Variants in GC observed in about 807,000 individuals in gnomAD.
GC encodes the protein GC vitamin D binding protein, also known as vitamin D-binding protein.
A neutral mutation model predicts 56.7 loss-of-function variants in GC; 43 were observed. The observed-to-expected ratio is 0.76, with a 90% confidence interval of 0.59 to 0.98. The LOEUF (loss-of-function observed/expected upper bound fraction) is 0.98. GC is among the 50% of genes least tolerant of loss of function. The probability of loss-of-function intolerance (pLI) is 0.00; values close to 1 mark genes in which losing one functional copy is unlikely to be tolerated. For missense variants in GC, 529 were observed against 545.9 expected, an observed-to-expected ratio of 0.97 and a Z score of 0.31; for synonymous variants, 216 against 202.7, an observed-to-expected ratio of 1.07 and a Z score of -0.56.
At chr4:71,768,106 C>T (rs1488710782) in intron 3 of GC, among the ~76,000 whole-genome samples, 195 bp downstream of exon 3, 1 of 152,050 alleles carries the variant, frequency 6.6e-6, no homozygotes, top group African/African-American at 2.4e-5. Flanking sequence ...CTCATTTGAA[C>T]CTTGTAGGAA....
chr4:71,780,781 T>C (rs561719888), intron 1 of GC, among the ~76,000 whole-genome samples: 135 of 152,292 alleles, frequency 8.9e-4, no homozygotes, highest in Admixed American at 1.8e-3. Flanking sequence ...TTCTACACTG[T>C]TGGTGGGACT....
Position 71,752,582 on chromosome 4 carries a change from T to C in GC, c.1331A>G (p.Lys444Arg), listed in dbSNP as rs1293167992. 7 of 1,613,208 alleles carry C rather than the reference T, an allele frequency of 4.3e-6. No homozygotes were observed. Among genetic ancestry groups the C allele is most frequent in the Non-Finnish European group, 5.1e-6 (6 of 1,179,178 alleles). Residue 444 changes from lysine to arginine, a missense_variant, in exon 11 of 13, where the codon AAG becomes AGG. Coordinates refer to ENST00000273951, the MANE Select transcript of GC (RefSeq NM_000583.4). Reference protein sequence around the residue: ...TPTELAKLVNKHSDFASNCCS... With the variant: ...TPTELAKLVNRHSDFASNCCS... ...GCAGTTGGAGGCAAAGTCTGAGTGCTTGTTAACCAGCTTTGCCAGTTCCGT... is the reference window on the plus strand; with the variant it reads ...GCAGTTGGAGGCAAAGTCTGAGTGCCTGTTAACCAGCTTTGCCAGTTCCGT...
At chr4:71,797,402 A>G (rs1743132100) in intron 1 of GC, among the ~76,000 whole-genome samples, 1 of 152,088 alleles carries the variant, frequency 6.6e-6, no homozygotes, top group African/African-American at 2.4e-5. Context: ...AATGGGGGAC[A>G]CCCCTCCTCC....
chr4:71,794,531 T>A (rs144616029), intron 1 of GC, among the ~76,000 whole-genome samples: 2,434 of 152,268 alleles, frequency 0.016, 31 homozygotes, highest in South Asian at 0.051. Flanking sequence ...ATTGCATCTA[T>A]TTGATTCTTC....
At chr4:71,775,311 C>T (rs1396484118) in intron 1 of GC, among the ~76,000 whole-genome samples, 1 of 151,796 alleles carries the variant, frequency 6.6e-6, no homozygotes, top group Non-Finnish European at 1.5e-5. Context: ...CTGGACATTC[C>T]CATAAAAGTC....
intron 1 of GC, among the ~76,000 whole-genome samples, chr4:71,783,096 T>C (rs1422688510): frequency 6.6e-6 from 1 of 151,862 alleles, no homozygotes; most frequent in African/African-American, 2.4e-5. Flanking sequence ...ACACACATTT[T>C]ATTCCACTGG....
At position 71,746,202 on chromosome 4, in the gene GC, C is replaced by T; in HGVS notation, c.1399G>A (p.Asp467Asn). ...SPPLYCDSEI[D>N]AELKNIL ...TACAGGATATTCTTCAATTCAGCAT[C>T]AATCTGATAATGAAAAAAGAATGTT... Residue 467 changes from aspartate (D) to asparagine (N), a missense_variant, in exon 12 of 13, where the codon GAT becomes AAT. By Grantham distance (23) the Asp-to-Asn change is conservative. Transcript: ENST00000273951. 1.5e-6 allele frequency: 2 copies of T among 1,310,746 alleles called. No individual in the cohort carries two copies. The highest frequency in any genetic ancestry group is 1.1e-6 in the Non-Finnish European group (1 of 909,456). The allele number at this position is 1,310,746 out of a possible 1,614,324, so 81.2% of individuals were successfully genotyped here.
intron 6 of GC, among the ~76,000 whole-genome samples, chr4:71,758,985 T>G (rs1484024335): frequency 6.6e-6 from 1 of 152,212 alleles, no homozygotes; most frequent in Non-Finnish European, 1.5e-5. Context: ...ATTTTCTGTC[T>G]TTATGATTTT....
Position 71,793,527 on chromosome 4 carries a change from A to T in GC, c.22-9473T>A, listed in dbSNP as rs528754448. Among the ~76,000 whole-genome samples the T allele has an allele frequency of 1.1e-3, 170 of 152,276 alleles. 3 individuals are homozygous for T. The South Asian group carries it at 0.014, about 13-fold the overall frequency. The stretch of plus-strand genomic sequence containing the variant: ...TTTTGTATCCTGAGACTTTGCTGAA[A>T]TTGCTTATCAGCTTCAGGAGGTTTT... On this transcript the variant is annotated intron_variant, in intron 1 of 13. Transcript: ENST00000504199.
intron 11 of GC, among the ~76,000 whole-genome samples, chr4:71,751,633 A>G (rs559551657): frequency 5.9e-5 from 9 of 152,118 alleles, no homozygotes; most frequent in Admixed American, 5.2e-4. Context: ...TGTTAACAAT[A>G]TTGGACCTGA....
At chr4:71,764,009 G>T in intron 4 of GC, 73 bp from the exon 5 acceptor site, 1 of 1,158,088 alleles carries the variant, frequency 8.6e-7, no homozygotes, top group Non-Finnish European at 1.3e-6. Context: ...TTGAGACAGT[G>T]TCTTGCCCTG....
At chr4:71,776,761 A>C (rs761174627) in intron 1 of GC, among the ~76,000 whole-genome samples, 2 of 151,970 alleles carry the variant, frequency 1.3e-5, no homozygotes, top group Non-Finnish European at 2.9e-5. Context: ...AAATGTATAT[A>C]ATTATAATTT....
chr4:71,766,221 A>G (rs1742151794), intron 3 of GC, among the ~76,000 whole-genome samples: 1 of 152,220 alleles, frequency 6.6e-6, no homozygotes, highest in Non-Finnish European at 1.5e-5. Flanking sequence ...CATAGAGTGC[A>G]TAAAATAAAA....
upstream of GC, among the ~76,000 whole-genome samples, chr4:71,805,421 C>T (rs1377421369): frequency 6.6e-6 from 1 of 152,122 alleles, no homozygotes; most frequent in African/African-American, 2.4e-5. Flanking sequence ...ATGCTGCAGA[C>T]CCTGGCTGAG....
intron 1 of GC, among the ~76,000 whole-genome samples, chr4:71,773,763 T>C (rs1186633252): frequency 2.0e-5 from 3 of 152,072 alleles, no homozygotes; most frequent in African/African-American, 7.2e-5. Context: ...GTTGCTGTTT[T>C]CCTATTGTGT....
intron 1 of GC, among the ~76,000 whole-genome samples, chr4:71,795,059 G>A (rs1743063889): frequency 6.6e-6 from 1 of 152,030 alleles, no homozygotes; most frequent in African/African-American, 2.4e-5. Context: ...ACATTTGCTA[G>A]GAAGTGTTTT....
At chr4:71,777,066 T>A (rs1028164078) in intron 1 of GC, among the ~76,000 whole-genome samples, 3 of 151,920 alleles carry the variant, frequency 2.0e-5, no homozygotes, top group African/African-American at 7.2e-5. Flanking sequence ...TAGTAATTTA[T>A]CTTTTTAAAA....
intron 1 of GC, among the ~76,000 whole-genome samples, chr4:71,773,446 A>G (rs1396532518): frequency 6.6e-6 from 1 of 152,008 alleles, no homozygotes; most frequent in Non-Finnish European, 1.5e-5. Context: ...CATGTAACAG[A>G]TATTTTTTGA....
chr4:71,791,364 A>G (rs764377872), intron 1 of GC, among the ~76,000 whole-genome samples: 4 of 151,500 alleles, frequency 2.6e-5, no homozygotes, highest in Admixed American at 6.6e-5. Context: ...TGTGGGTAGT[A>G]TTTTTTTTCC....
Sources: allele counts gnomAD v4.1 joint callset (sites outside exome capture counted in the v4.1 genomes callset), GRCh38; gene constraint gnomAD v4.1.1; transcripts MANE v1.5; gene names NCBI Gene and HGNC (gene_info 2026-07-23, HGNC 2026-07-21).